Variants in ENOX1 observed in about 807,000 individuals in gnomAD.
ENOX1 encodes the protein ecto-NOX disulfide-thiol exchanger 1, also known as candidate growth-related and time keeping constitutive hydroquinone (NADH) oxidase.
ENOX1 carries 42 observed loss-of-function variants against 82.5 expected under a neutral mutation model. That is an observed-to-expected ratio of 0.51 (90% CI 0.40 to 0.66). The LOEUF (loss-of-function observed/expected upper bound fraction) is 0.66. ENOX1 is among the 30% of genes least tolerant of loss of function. The probability of loss-of-function intolerance (pLI) is 0.00; values close to 1 mark genes in which losing one functional copy is unlikely to be tolerated. For synonymous variants in ENOX1, 271 were observed against 282.2 expected, an observed-to-expected ratio of 0.96 and a Z score of 0.40; for missense variants, 608 against 811.6, an observed-to-expected ratio of 0.75 and a Z score of 3.05.
Position 43,434,937 on chromosome 13 carries a change from G to GTTTTTTTTTTTTTTTTT in ENOX1, c.-74-21966_-74-21950dup, listed in dbSNP as rs537775258. ...CGTGTCTTATTATTGTGTGTGTGTG[G>GTTTTTTTTTTTTTTTTT]TTTTTTTTTTTTTTTTTTTTTTTTT... is the stretch of plus-strand genomic sequence containing the variant. On this transcript the variant is annotated intron_variant, in intron 3 of 16. Coordinates refer to ENST00000690772, the MANE Select transcript of ENOX1 (RefSeq NM_001347969.2). 7.8e-4 allele frequency among the ~76,000 whole-genome samples: 59 copies of GTTTTTTTTTTTTTTTTT among 75,882 alleles called. 1 individual carries two copies. The highest frequency in any genetic ancestry group is 4.6e-3 in the East Asian group (9 of 1,936). The allele number at this position is 75,882 out of a possible 152,430, so 49.8% of individuals were successfully genotyped here. A position where few individuals can be genotyped will look rare whatever the true frequency, so the allele number is the denominator to read the frequency against.
intron 11 of ENOX1, among the ~76,000 whole-genome samples, chr13:43,306,264 CG>C (rs2153514626): frequency 6.6e-6 from 1 of 152,306 alleles, no homozygotes; most frequent in South Asian, 2.1e-4. Context: ...TATGGAGAGG[CG>C]AGCAGGCTGC....
chr13:43,501,886 T>C (rs1276664748), intron 2 of ENOX1, among the ~76,000 whole-genome samples: 1 of 145,942 alleles, frequency 6.9e-6, no homozygotes, highest in African/African-American at 2.5e-5. Context: ...AGAAAGAAAA[T>C]ATTAAACGTT....
intron 16 of ENOX1, 94 bp from the exon 17 acceptor site, chr13:43,214,215 C>T (rs1335218872): frequency 7.5e-7 from 1 of 1,341,350 alleles, no homozygotes; most frequent in Non-Finnish European, 1.0e-6. Flanking sequence ...GTGATATGAA[C>T]AGCATTTAGT....
chr13:43,603,701 T>G (rs1445224875), intron 2 of ENOX1, among the ~76,000 whole-genome samples: 3 of 130,752 alleles, frequency 2.3e-5, no homozygotes, highest in East Asian at 5.1e-4. Context: ...TCCATGTCCC[T>G]ACAAAGGACA....
intron 3 of ENOX1, among the ~76,000 whole-genome samples, chr13:43,475,277 CTGATTCCACA>C (rs917048931): frequency 6.6e-6 from 1 of 152,182 alleles, no homozygotes; most frequent in African/African-American, 2.4e-5. Flanking sequence ...CATTTCCCTG[CTGATTCCACA>C]TGTCCACAAC....
intron 2 of ENOX1, among the ~76,000 whole-genome samples, chr13:43,533,252 G>T (rs975599794): frequency 3.3e-5 from 5 of 152,084 alleles, no homozygotes; most frequent in Admixed American, 2.6e-4. Context: ...TGAAGAAGAG[G>T]ATCTAGGACT....
intron 2 of ENOX1, among the ~76,000 whole-genome samples, chr13:43,605,736 A>G (rs1416126309): frequency 6.6e-6 from 1 of 152,200 alleles, no homozygotes; most frequent in East Asian, 1.9e-4. Context: ...TCTTCAGGAC[A>G]TTGGACTGGG....
chr13:43,771,943 T>A (rs1375657738), intron 1 of ENOX1, among the ~76,000 whole-genome samples: 1 of 145,890 alleles, frequency 6.9e-6, no homozygotes, highest in South Asian at 2.2e-4. Flanking sequence ...ATTTTTTTTT[T>A]TTTTTTTTTT....
chr13:43,756,502 AGAGGGAAAGGAGAGGG>A (rs1381696390), intron 1 of ENOX1, among the ~76,000 whole-genome samples: 9 of 76,862 alleles, frequency 1.2e-4, no homozygotes, highest in Admixed American at 5.1e-4. Context: ...GGGAAGGGAG[AGAGGGAAAGGAGAGGG>A]GAGGGAAAGG....
chr13:43,601,618 T>G (rs142896340), intron 2 of ENOX1, among the ~76,000 whole-genome samples: 7 of 151,962 alleles, frequency 4.6e-5, no homozygotes, highest in Non-Finnish European at 8.8e-5. Flanking sequence ...GAAAGAGAGA[T>G]AGGGGTAGCA....
At chr13:43,421,622 A>G (rs1299785708) in intron 3 of ENOX1, among the ~76,000 whole-genome samples, 1 of 152,178 alleles carries the variant, frequency 6.6e-6, no homozygotes, top group Non-Finnish European at 1.5e-5. Context: ...TTAAGGCAGA[A>G]AGATAAAGGA....
intron 2 of ENOX1, among the ~76,000 whole-genome samples, chr13:43,612,201 C>A (rs73184131): frequency 2.8e-4 from 42 of 152,228 alleles, no homozygotes; most frequent in Non-Finnish European, 2.9e-4. Context: ...GATGAAGGAG[C>A]CAGGCAAGCT....
chr13:43,453,525 C>T (rs187027534), intron 3 of ENOX1, among the ~76,000 whole-genome samples: 5 of 152,288 alleles, frequency 3.3e-5, no homozygotes, highest in Admixed American at 3.3e-4. Context: ...GCGGCAATCC[C>T]TGGAATATGC....
chr13:43,754,300 C>T (rs777824634), intron 1 of ENOX1, among the ~76,000 whole-genome samples: 46 of 116,060 alleles, frequency 4.0e-4, no homozygotes, highest in South Asian at 6.9e-4. Flanking sequence ...CACATATATG[C>T]GTGTATGTAT....
Position 43,490,054 on chromosome 13 carries a change from T to C in ENOX1, c.-218-5902A>G, listed in dbSNP as rs535355327. On this transcript the variant is annotated intron_variant, in intron 2 of 16. Transcript: ENST00000690772. ...CCTGGGTTCAAGCGATTCTCCTGCC[T>C]CATCCTCCTGAGTAGCTGAGATTAC... Among the ~76,000 whole-genome samples the C allele has an allele frequency of 1.6e-4, 25 of 152,254 alleles. No homozygotes were observed. In the East Asian group the frequency reaches 4.3e-3, roughly 26 times the overall value.
chr13:43,649,670 A>G (rs1301581452), intron 2 of ENOX1, among the ~76,000 whole-genome samples: 1 of 152,140 alleles, frequency 6.6e-6, no homozygotes, highest in Non-Finnish European at 1.5e-5. Context: ...CATAGCATCA[A>G]TCCATTTTTT....
chr13:43,507,112 A>C (rs1164233341), intron 2 of ENOX1, among the ~76,000 whole-genome samples: 1 of 151,944 alleles, frequency 6.6e-6, no homozygotes, highest in Non-Finnish European at 1.5e-5. Flanking sequence ...ATCAATATAA[A>C]GAAAATTGTG....
At chr13:43,725,228 G>A (rs929617925) in intron 1 of ENOX1, among the ~76,000 whole-genome samples, 2 of 152,108 alleles carry the variant, frequency 1.3e-5, no homozygotes, top group Non-Finnish European at 2.9e-5. Context: ...CTTTTAAGAG[G>A]AAACCAAATA....
chr13:43,312,002 C>T (rs1413776344), intron 11 of ENOX1, among the ~76,000 whole-genome samples: 1 of 152,156 alleles, frequency 6.6e-6, no homozygotes, highest in African/African-American at 2.4e-5. Flanking sequence ...TAAAATCTCT[C>T]ATGGTACTTC....
Sources: gnomAD v4.1 joint callset for allele counts (sites outside exome capture counted in the v4.1 genomes callset) on GRCh38, gnomAD v4.1.1 for gene constraint, MANE v1.5 for transcripts, NCBI Gene and HGNC (gene_info 2026-07-23, HGNC 2026-07-21) for gene names.